ALDH1L1: variants seen among roughly 807,000 people sequenced by gnomAD.
ALDH1L1 encodes the protein aldehyde dehydrogenase 1 family member L1, also known as cytosolic 10-formyltetrahydrofolate dehydrogenase.
Under a neutral mutation model 101.1 loss-of-function variants are expected in ALDH1L1, and 68 were observed. That is an observed-to-expected ratio of 0.67 (90% CI 0.55 to 0.82). The LOEUF (loss-of-function observed/expected upper bound fraction) is 0.82, where lower values mean the gene tolerates loss of function less well. ALDH1L1 is among the 40% of genes least tolerant of loss of function. ALDH1L1 has a pLI of 0.00. For missense variants in ALDH1L1, 1,087 were observed against 1,172.7 expected, an observed-to-expected ratio of 0.93 and a Z score of 1.07; for synonymous variants, 486 against 470.8, an observed-to-expected ratio of 1.03 and a Z score of -0.42.
chr3:126,170,773 A>G (rs1271891080), intron 1 of ALDH1L1, among the ~76,000 whole-genome samples: 1 of 152,136 alleles, frequency 6.6e-6, no homozygotes, highest in Non-Finnish European at 1.5e-5. Context: ...CTCCCTTTCT[A>G]GCCTCATGCA....
intron 1 of ALDH1L1, among the ~76,000 whole-genome samples, chr3:126,173,355 A>G (rs1299239530): frequency 6.6e-6 from 1 of 152,204 alleles, no homozygotes; most frequent in Non-Finnish European, 1.5e-5. Context: ...TACACTACCC[A>G]TAAAGTTGTA....
At chr3:126,156,991 G>A (rs1024052702) in intron 4 of ALDH1L1, among the ~76,000 whole-genome samples, 2 of 152,210 alleles carry the variant, frequency 1.3e-5, no homozygotes, top group African/African-American at 4.8e-5. Flanking sequence ...GAGTGAAGGA[G>A]AGAGAAATAG....
intron 19 of ALDH1L1, chr3:126,110,331 G>A (rs912352807): frequency 6.7e-6 from 4 of 594,976 alleles, no homozygotes; most frequent in Non-Finnish European, 1.2e-5. Flanking sequence ...CAGGAGCCCA[G>A]CAACATATGG....
At chr3:126,188,724 T>C (rs1470719982) in intron 1 of ALDH1L1, among the ~76,000 whole-genome samples, 1 of 152,200 alleles carries the variant, frequency 6.6e-6, no homozygotes, top group Non-Finnish European at 1.5e-5. Context: ...ATAGATACCA[T>C]TTAATGTTTA....
At chr3:126,106,966 C>G (rs913121371) in intron 21 of ALDH1L1, among the ~76,000 whole-genome samples, 175 bp downstream of exon 21, 1 of 152,220 alleles carries the variant, frequency 6.6e-6, no homozygotes, top group Admixed American at 6.5e-5. Flanking sequence ...TCACTGGGCT[C>G]TCTTCTCAGG....
rs771300104 is a variant in ALDH1L1, at chr3:126,117,987, C to A, written c.1982+18G>T. The A allele has an allele frequency of 1.9e-6, 3 of 1,607,110 alleles. No individual in the cohort carries two copies. The East Asian group carries it at 6.7e-5, about 36-fold the overall frequency. ...AGCCCACAGCAGCCCCTCCTCTGCT[C>A]CACCCCCAGCCACGCACCTTTTCAT... On this transcript the variant is annotated intron_variant, in intron 17 of 22. Transcript: ENST00000393434.
intron 1 of ALDH1L1, among the ~76,000 whole-genome samples, chr3:126,171,219 A>T (rs2108325178): frequency 6.6e-6 from 1 of 152,294 alleles, no homozygotes; most frequent in Admixed American, 6.5e-5. Context: ...AATCGCTTGA[A>T]CCTGGGAAGC....
chr3:126,160,435 TG>T (rs2081018547), intron 2 of ALDH1L1: 1 of 163,026 alleles, frequency 6.1e-6, no homozygotes, highest in Admixed American at 6.1e-5. Context: ...TCTCCCCTGA[TG>T]GGTAAGTAGA....
chr3:126,140,114 C>T (rs775148907), intron 9 of ALDH1L1, among the ~76,000 whole-genome samples: 5 of 152,136 alleles, frequency 3.3e-5, no homozygotes, highest in African/African-American at 1.2e-4. Flanking sequence ...ACATTACACC[C>T]AGCTTGTTGA....
chr3:126,125,410 A>T (rs55663056), intron 15 of ALDH1L1, among the ~76,000 whole-genome samples: 12,132 of 152,234 alleles, frequency 0.08, 1,427 homozygotes, highest in African/African-American at 0.26. Context: ...GCCATGGCTG[A>T]AAAAGAGTCT....
chr3:126,159,323 T>A, intron 2 of ALDH1L1: 1 of 416,682 alleles, frequency 2.4e-6, no homozygotes, highest in South Asian at 1.8e-5. Context: ...CAGGTCTGGA[T>A]TACAGGCCCA....
intron 10 of ALDH1L1, 92 bp downstream of exon 10, chr3:126,137,717 CTGAA>C (rs2080477724): frequency 6.7e-7 from 1 of 1,492,786 alleles, no homozygotes; most frequent in African/African-American, 1.4e-5. Context: ...CCCTGGCTTT[CTGAA>C]TGTCCAGGTT....
intron 14 of ALDH1L1, among the ~76,000 whole-genome samples, chr3:126,127,746 G>A (rs1399928252): frequency 2.6e-5 from 4 of 152,206 alleles, no homozygotes; most frequent in South Asian, 2.1e-4. Context: ...CTCTGGCACC[G>A]CGTGCAGGCA....
chr3:126,105,977 T>C, intron 21 of ALDH1L1, 52 bp from the exon 22 acceptor site: 1 of 1,572,070 alleles, frequency 6.4e-7, no homozygotes, highest in Non-Finnish European at 8.7e-7. Context: ...GAGGAGAGCC[T>C]GGCCCACTCC....
In ALDH1L1 at chr3:126,136,774, G is replaced by T; in HGVS notation, c.1334C>A (p.Thr445Asn). 1 of 1,574,336 alleles carries T rather than the reference G, an allele frequency of 6.4e-7. No individual in the cohort carries two copies. Among genetic ancestry groups the T allele is most frequent in the Non-Finnish European group, 8.6e-7 (1 of 1,159,126 alleles). The change falls in exon 11 of 23, where the codon ACC (threonine) becomes AAC (asparagine). Residue 445 changes from threonine to asparagine, a missense_variant. Physicochemically the swap from Thr to Asn is moderately conservative, Grantham distance 65. This residue lies in a region of ALDH1L1 where 645 missense variants were observed against 637.0 expected (regional missense o/e 1.01). Coordinates refer to ENST00000393434, the MANE Select transcript of ALDH1L1 (RefSeq NM_012190.4). Reference sequence around the variant, plus strand: ...TGGGCCTGCACTCACACTTCCATCGGTGGGATTGATGGTCTCAGAGGTCTT... The same window carrying T: ...TGGGCCTGCACTCACACTTCCATCGTTGGGATTGATGGTCTCAGAGGTCTT... ...GAKTSETINP[T>N]DGSVICQVSL...
intron 12 of ALDH1L1, 115 bp from the exon 13 acceptor site, chr3:126,131,649 C>T: frequency 8.0e-7 from 1 of 1,242,566 alleles, no homozygotes; most frequent in Non-Finnish European, 1.1e-6. Flanking sequence ...AGTTCTGCCA[C>T]TCTCAGATGT....
In ALDH1L1 at chr3:126,178,386, A is replaced by G. The variant is rs1169397043; in HGVS notation, c.-24+2090T>C. 2.2e-5 allele frequency among the ~76,000 whole-genome samples: 3 copies of G among 136,314 alleles called. No individual in the cohort carries two copies. The South Asian group carries it at 6.5e-4, about 30-fold the overall frequency. 89.4% of individuals were successfully genotyped at this position (136,314 alleles called of 152,430 possible). ...ACAAAGTGAGACCCTGTCTCAAAAAAAAAAAAAAAGAAAAAAAAAAAAAGA... is the reference window on the plus strand; with the variant it reads ...ACAAAGTGAGACCCTGTCTCAAAAAGAAAAAAAAAGAAAAAAAAAAAAAGA... On this transcript the variant is annotated intron_variant, in intron 1 of 22. Coordinates refer to ENST00000393434, the MANE Select transcript of ALDH1L1 (RefSeq NM_012190.4).
At chr3:126,114,787 C>A in intron 17 of ALDH1L1, 131 bp from the exon 18 acceptor site, 3 of 765,490 alleles carry the variant, frequency 3.9e-6, no homozygotes, top group Non-Finnish European at 6.9e-6. Flanking sequence ...GCCAGTGCCT[C>A]CCCACTCCCC....
intron 9 of ALDH1L1, among the ~76,000 whole-genome samples, chr3:126,142,834 C>A (rs1261410478): frequency 6.6e-6 from 1 of 152,194 alleles, no homozygotes; most frequent in Non-Finnish European, 1.5e-5. Context: ...GTAGTTCCTC[C>A]TTACCCACGG....
Sources: gnomAD v4.1 joint callset for allele counts (sites outside exome capture counted in the v4.1 genomes callset) on GRCh38, gnomAD v4.1.1 for gene constraint, gnomAD v4.1.1 regional missense constraint, MANE v1.5 for transcripts, NCBI Gene and HGNC (gene_info 2026-07-23, HGNC 2026-07-21) for gene names.